PRRC2C: variants seen among roughly 807,000 people sequenced by gnomAD.
The protein encoded by PRRC2C is proline rich coiled-coil 2C, also known as protein PRRC2C.
Under a neutral mutation model 317.2 loss-of-function variants are expected in PRRC2C, and 72 were observed. The observed-to-expected ratio is 0.23, with a 90% CI of 0.19 to 0.28. PRRC2C has a LOEUF of 0.28. Ranked by LOEUF, PRRC2C falls within the 10% of genes least tolerant of loss-of-function variation. The pLI, the probability that PRRC2C is intolerant of heterozygous loss-of-function variation, is 1.00. For synonymous variants in PRRC2C, 1,296 were observed against 1,205.9 expected (o/e 1.07, Z -1.55); for missense variants, 3,074 against 3,459.7 (o/e 0.89, Z 2.80).
chr1:171,522,916 A>C (rs565359230), intron 7 of PRRC2C, among the ~76,000 whole-genome samples: 1 of 133,856 alleles, frequency 7.5e-6, no homozygotes, highest in East Asian at 2.2e-4. Context: ...CTCTTGAATT[A>C]TTTTCCTCAA....
At chr1:171,517,169 A>G (rs1571720650) in intron 5 of PRRC2C, among the ~76,000 whole-genome samples, 1 of 152,196 alleles carries the variant, frequency 6.6e-6, no homozygotes, top group Non-Finnish European at 1.5e-5. Context: ...GTAACTAACA[A>G]TAATATACTG....
chr1:171,504,473 G>T (rs1289664923), intron 1 of PRRC2C, among the ~76,000 whole-genome samples: 1 of 152,170 alleles, frequency 6.6e-6, no homozygotes, highest in Non-Finnish European at 1.5e-5. Flanking sequence ...GTATGAATCA[G>T]TGTTAAGTTT....
In PRRC2C at chr1:171,557,545, T is replaced by TTCAGCC; in HGVS notation, c.5444_5449dup (p.Ala1815_Ser1816dup). On this transcript the variant is annotated inframe_insertion, in exon 19 of 35. Coordinates refer to ENST00000647382, the MANE Select transcript of PRRC2C (RefSeq NM_001387844.1). Reference sequence around the variant, plus strand: ...TTCCAGCCTCACCCTTAGCTCCAGTTTCAGCCTCAGCCTCAGTCTCAGCTT... The same window carrying TTCAGCC: ...TTCCAGCCTCACCCTTAGCTCCAGTTTCAGCCTCAGCCTCAGCCTCAGTCTCAGCTT... 2 of 1,551,562 alleles carry TTCAGCC rather than the reference T, an allele frequency of 1.3e-6. No individual in the cohort carries two copies. Among genetic ancestry groups the TTCAGCC allele is most frequent in the Non-Finnish European group, 1.7e-6 (2 of 1,146,970 alleles).
At chr1:171,512,627 A>G (rs1671596694) in intron 2 of PRRC2C, 1 of 228,712 alleles carries the variant, frequency 4.4e-6, no homozygotes, top group Non-Finnish European at 8.7e-6. Flanking sequence ...AAAACTGAAA[A>G]TCATGCATGG....
intron 18 of PRRC2C, among the ~76,000 whole-genome samples, chr1:171,554,957 G>A (rs1209526887): frequency 4.6e-5 from 7 of 152,038 alleles, no homozygotes; most frequent in African/African-American, 1.5e-4. Context: ...TACTCTTCTC[G>A]AGGAGTATCT....
At chr1:171,538,254 C>T (rs560193785) in intron 15 of PRRC2C, among the ~76,000 whole-genome samples, 2 of 152,096 alleles carry the variant, frequency 1.3e-5, no homozygotes, top group African/African-American at 2.4e-5. Flanking sequence ...GGATTATAGA[C>T]GTGAGCCATC....
intron 34 of PRRC2C, among the ~76,000 whole-genome samples, chr1:171,590,490 T>A (rs1651181711): frequency 6.6e-6 from 1 of 152,206 alleles, no homozygotes; most frequent in Non-Finnish European, 1.5e-5. Context: ...AAGAAAAGCT[T>A]ACTGCTTTCA....
chr1:171,559,979 C>G (rs1465480750), intron 19 of PRRC2C, among the ~76,000 whole-genome samples: 1 of 152,182 alleles, frequency 6.6e-6, no homozygotes, highest in Admixed American at 6.5e-5. Flanking sequence ...TTCATGCCTT[C>G]CAACATGGCA....
At chr1:171,539,159 G>A (rs941990269) in intron 15 of PRRC2C, among the ~76,000 whole-genome samples, 1 of 152,052 alleles carries the variant, frequency 6.6e-6, no homozygotes, top group Non-Finnish European at 1.5e-5. Context: ...GTGCCACCAC[G>A]CCCAGCTGAT....
intron 1 of PRRC2C, among the ~76,000 whole-genome samples, chr1:171,508,229 G>T (rs1201878269): frequency 6.6e-6 from 1 of 152,110 alleles, no homozygotes; most frequent in Non-Finnish European, 1.5e-5. Context: ...CTAGATTTCA[G>T]GAAAAAGCCT....
Position 171,523,370 on chromosome 1 carries a change from A to G in PRRC2C, c.967+16A>G, listed in dbSNP as rs750508307. On this transcript the variant is annotated intron_variant, in intron 8 of 34. Transcript: ENST00000647382. Reference sequence around the variant, plus strand: ...GGTTGGGCAGGTAAGAGGCAAAATTAATTAAGTCCTTTAAATTGTTAGATG... The same window carrying G: ...GGTTGGGCAGGTAAGAGGCAAAATTGATTAAGTCCTTTAAATTGTTAGATG... 3.1e-6 allele frequency: 5 copies of G among 1,613,906 alleles called. No homozygotes were observed.
intron 11 of PRRC2C, among the ~76,000 whole-genome samples, chr1:171,531,205 G>C (rs193241701): frequency 6.6e-6 from 1 of 152,334 alleles, no homozygotes; most frequent in African/African-American, 2.4e-5. Context: ...GCCACAGGGG[G>C]AGGCAGAGGA....
intron 1 of PRRC2C, among the ~76,000 whole-genome samples, chr1:171,504,388 T>C (rs1034914483): frequency 6.6e-5 from 10 of 152,232 alleles, no homozygotes; most frequent in Non-Finnish European, 1.5e-4. Flanking sequence ...ATGTTTTCTC[T>C]GGAAGTTTTA....
intron 1 of PRRC2C, among the ~76,000 whole-genome samples, chr1:171,500,909 G>T (rs946180969): frequency 6.6e-6 from 1 of 151,900 alleles, no homozygotes; most frequent in African/African-American, 2.4e-5. Flanking sequence ...GTTTTGTTTT[G>T]TTTTTTGAGA....
intron 1 of PRRC2C, among the ~76,000 whole-genome samples, chr1:171,505,953 G>A (rs1482137966): frequency 6.6e-6 from 1 of 152,156 alleles, no homozygotes; most frequent in Admixed American, 6.5e-5. Context: ...ACAGTATTCA[G>A]TACAGTAACA....
intron 18 of PRRC2C, among the ~76,000 whole-genome samples, chr1:171,552,704 G>A (rs1012696481): frequency 6.6e-6 from 1 of 152,244 alleles, no homozygotes; most frequent in South Asian, 2.1e-4. Flanking sequence ...GGCCTTTTCT[G>A]CATCTATTGA....
Position 171,523,241 on chromosome 1 carries a change from C to T in PRRC2C, c.854C>T (p.Pro285Leu). ...ATTAGAGGCCTTCGAGGAAGAGGCC[C>T]ACCTCCTTCATGGGCCTCTGAGCCT... ...ETNKGLRGRG[P>L]PPSWASEPER... The change falls in exon 8 of 35, where the codon CCA (proline) becomes CTA (leucine). Residue 285 changes from proline to leucine, a missense_variant. This residue lies in a region of PRRC2C where 50 missense variants were observed against 88.3 expected (regional missense o/e 0.57). Transcript: ENST00000647382. 6.2e-7 allele frequency: 1 copy of T among 1,612,734 alleles called. No homozygotes were observed. Among genetic ancestry groups the T allele is most frequent in the Non-Finnish European group, 8.5e-7 (1 of 1,179,356 alleles).
chr1:171,533,354 T>A (rs1336343559), intron 12 of PRRC2C, among the ~76,000 whole-genome samples: 1 of 152,222 alleles, frequency 6.6e-6, no homozygotes, highest in Non-Finnish European at 1.5e-5. Context: ...TTATCATAAT[T>A]AAATGACTGC....
rs183057730 is a variant in PRRC2C, at chr1:171,556,871, A to G, written c.5128-369A>G. Among the ~76,000 whole-genome samples, 14 of 152,362 alleles carry G rather than the reference A, an allele frequency of 9.2e-5. No individual in the cohort carries two copies. In the East Asian group the frequency reaches 1.9e-3, roughly 21 times the overall value. On this transcript the variant is annotated intron_variant, in intron 18 of 34. Transcript: ENST00000647382. ...AATAGTTGTGCATCTACCCTATATC[A>G]TAACGTACCAGCCACACTGCCCAAA...
Sources: allele counts gnomAD v4.1 joint callset (sites outside exome capture counted in the v4.1 genomes callset), GRCh38; gene constraint gnomAD v4.1.1; regional missense constraint gnomAD v4.1.1; transcripts MANE v1.5; gene names NCBI Gene and HGNC (gene_info 2026-07-23, HGNC 2026-07-21).